Variants in NKAIN3 observed in about 807,000 individuals in gnomAD.
NKAIN3 encodes sodium/potassium-transporting ATPase subunit beta-1-interacting protein 3.
A neutral mutation model predicts 30.2 loss-of-function variants in NKAIN3; 25 were observed. That is an observed-to-expected ratio of 0.83 (90% CI 0.60 to 1.16). The LOEUF is 1.16. Among genes scored for constraint, NKAIN3 ranks in the 50% most tolerant of loss-of-function variants. NKAIN3 has a pLI of 0.00. For missense variants in NKAIN3, 225 were observed against 254.1 expected, an observed-to-expected ratio of 0.89 and a Z score of 0.78; for synonymous variants, 91 against 89.6, an observed-to-expected ratio of 1.02 and a Z score of -0.09.
intron 1 of NKAIN3, among the ~76,000 whole-genome samples, chr8:62,455,758 C>G (rs1301011143): frequency 6.6e-6 from 1 of 152,184 alleles, no homozygotes; most frequent in Admixed American, 6.5e-5. Flanking sequence ...GAATAACTAG[C>G]ACACACACAA....
chr8:62,281,909 A>ATT (rs911735843), intron 1 of NKAIN3, among the ~76,000 whole-genome samples: 1 of 151,478 alleles, frequency 6.6e-6, no homozygotes, highest in South Asian at 2.1e-4. Context: ...GACAAAAACA[A>ATT]TTTTTTTTTA....
At chr8:62,517,922 G>A (rs1808043212) in intron 1 of NKAIN3, among the ~76,000 whole-genome samples, 1 of 146,286 alleles carries the variant, frequency 6.8e-6, no homozygotes, top group Non-Finnish European at 1.5e-5. Context: ...ACCTGTATCT[G>A]TATCTATATA....
At chr8:62,674,752 G>A (rs1813419092) in intron 3 of NKAIN3, among the ~76,000 whole-genome samples, 1 of 152,146 alleles carries the variant, frequency 6.6e-6, no homozygotes, top group Non-Finnish European at 1.5e-5. Flanking sequence ...CTCAGTTGTA[G>A]AAGATATTCC....
intron 1 of NKAIN3, among the ~76,000 whole-genome samples, chr8:62,425,304 G>C (rs372044373): frequency 1.3e-5 from 2 of 151,846 alleles, no homozygotes; most frequent in African/African-American, 4.8e-5. Flanking sequence ...TTTAAAACAA[G>C]GAAAAGCCTC....
In NKAIN3 at chr8:62,933,657, A is replaced by G. The variant is rs568525486; in HGVS notation, c.532+15144A>G. Among the ~76,000 whole-genome samples the G allele has an allele frequency of 4.6e-5, 7 of 152,334 alleles. No individual in the cohort carries two copies. The South Asian group carries it at 1.2e-3, about 27-fold the overall frequency. On this transcript the variant is annotated intron_variant, in intron 5 of 6. Transcript: ENST00000623646. ...TCATACACTATTAGAAAATTTTAAA[A>G]TGGGAAAAAATTGTCAGCACTGAGT...
At chr8:62,913,014 A>C (rs1303373607) in intron 4 of NKAIN3, among the ~76,000 whole-genome samples, 1 of 152,168 alleles carries the variant, frequency 6.6e-6, no homozygotes, top group Admixed American at 6.5e-5. Context: ...TGTCTTCTCC[A>C]TCCACATCCT....
chr8:62,249,605 G>C (rs1210473244), intron 1 of NKAIN3, among the ~76,000 whole-genome samples: 2 of 152,246 alleles, frequency 1.3e-5, no homozygotes, highest in Admixed American at 1.3e-4. Context: ...AACTCTGTTA[G>C]TGAAGAGTGA....
In NKAIN3 at chr8:62,345,024, G is replaced by A. The variant is rs1352220485; in HGVS notation, c.54+95897G>A. Among the ~76,000 whole-genome samples the A allele has an allele frequency of 5.9e-5, 9 of 151,464 alleles. No individual in the cohort carries two copies. The South Asian group carries it at 1.5e-3, about 25-fold the overall frequency. On this transcript the variant is annotated intron_variant, in intron 1 of 6. Coordinates refer to ENST00000623646, the MANE Select transcript of NKAIN3 (RefSeq NM_001304533.3). ...CATTGTAGAGATCTTTTACGTCTTC[G>A]ATTAAGTTTATTCCTAGTTGTTTTA...
At chr8:62,290,946 T>C (rs905149273) in intron 1 of NKAIN3, among the ~76,000 whole-genome samples, 5 of 152,222 alleles carry the variant, frequency 3.3e-5, no homozygotes, top group African/African-American at 1.2e-4. Flanking sequence ...GGGATTCCAC[T>C]TCTTCCTGGT....
At chr8:62,348,842 A>T (rs1265472847) in intron 1 of NKAIN3, among the ~76,000 whole-genome samples, 2 of 152,220 alleles carry the variant, frequency 1.3e-5, no homozygotes, top group Non-Finnish European at 2.9e-5. Flanking sequence ...CACATTTCTC[A>T]TCCAAAATAT....
At chr8:62,668,595 A>G (rs970352418) in intron 3 of NKAIN3, among the ~76,000 whole-genome samples, 20 of 152,150 alleles carry the variant, frequency 1.3e-4, no homozygotes, top group East Asian at 7.7e-4. Flanking sequence ...ACACTGCGCA[A>G]TCATCTATGA....
chr8:62,649,907 G>A (rs528499915), intron 3 of NKAIN3, among the ~76,000 whole-genome samples: 22 of 152,154 alleles, frequency 1.4e-4, no homozygotes, highest in South Asian at 4.1e-4. Flanking sequence ...CAAAGTCCCC[G>A]TGATAATAGA....
At chr8:62,786,541 T>G (rs1477445242) in intron 4 of NKAIN3, among the ~76,000 whole-genome samples, 1 of 151,878 alleles carries the variant, frequency 6.6e-6, no homozygotes, top group Admixed American at 6.6e-5. Context: ...AAAAAACACC[T>G]ACAGAGGGTC....
intron 1 of NKAIN3, among the ~76,000 whole-genome samples, chr8:62,404,560 T>G (rs534050541): frequency 1.2e-4 from 18 of 152,306 alleles, no homozygotes; most frequent in African/African-American, 4.3e-4. Flanking sequence ...CTCATTCTTC[T>G]CCTTCCTGTC....
intron 4 of NKAIN3, among the ~76,000 whole-genome samples, chr8:62,862,781 A>G (rs1007540175): frequency 1.3e-5 from 2 of 152,240 alleles, no homozygotes; most frequent in African/African-American, 4.8e-5. Context: ...AGAATGAAAA[A>G]GATAAGAATA....
intron 3 of NKAIN3, among the ~76,000 whole-genome samples, chr8:62,620,590 T>C (rs531752659): frequency 6.6e-6 from 1 of 152,258 alleles, no homozygotes; most frequent in African/African-American, 2.4e-5. Flanking sequence ...TGTCTTTAAG[T>C]ATCAATTCTT....
At chr8:62,336,751 G>C (rs543754219) in intron 1 of NKAIN3, among the ~76,000 whole-genome samples, 1 of 152,120 alleles carries the variant, frequency 6.6e-6, no homozygotes, top group Non-Finnish European at 1.5e-5. Context: ...AACAGCCTGA[G>C]CTTGACTGAG....
At chr8:62,543,493 G>C (rs1438437996) in intron 1 of NKAIN3, among the ~76,000 whole-genome samples, 1 of 152,192 alleles carries the variant, frequency 6.6e-6, no homozygotes, top group East Asian at 1.9e-4. Flanking sequence ...TGACACCTTT[G>C]AGGGTCCCAT....
At chr8:62,905,635 T>A (rs960266670) in intron 4 of NKAIN3, among the ~76,000 whole-genome samples, 4 of 152,262 alleles carry the variant, frequency 2.6e-5, no homozygotes, top group African/African-American at 7.2e-5. Flanking sequence ...AAAATGACCA[T>A]AATTAAGACC....
Sources: gnomAD v4.1 joint callset for allele counts (sites outside exome capture counted in the v4.1 genomes callset) on GRCh38, gnomAD v4.1.1 for gene constraint, MANE v1.5 for transcripts, NCBI Gene and HGNC (gene_info 2026-07-23, HGNC 2026-07-21) for gene names.